VAV3: variants seen among roughly 807,000 people sequenced by gnomAD.
The protein encoded by VAV3 is vav guanine nucleotide exchange factor 3.
VAV3 carries 94 observed loss-of-function variants against 131.2 expected under a neutral mutation model. The ratio of observed to expected loss-of-function variants is 0.72; its 90% CI spans 0.61 to 0.85. The LOEUF (loss-of-function observed/expected upper bound fraction) is 0.85. Ranked by LOEUF, VAV3 falls within the 40% of genes least tolerant of loss-of-function variation. VAV3 has a pLI of 0.00. For missense variants in VAV3, 939 were observed against 1,002.7 expected, an observed-to-expected ratio of 0.94 and a Z score of 0.86; for synonymous variants, 349 against 342.0, an observed-to-expected ratio of 1.02 and a Z score of -0.22.
chr1:107,599,057 GA>G (rs999471994), intron 24 of VAV3, among the ~76,000 whole-genome samples: 2 of 152,054 alleles, frequency 1.3e-5, no homozygotes, highest in African/African-American at 4.8e-5. Context: ...TTATCATACT[GA>G]AAAATGATTT....
chr1:107,757,729 T>C (rs1270830920), intron 10 of VAV3, among the ~76,000 whole-genome samples: 2 of 152,204 alleles, frequency 1.3e-5, no homozygotes, highest in African/African-American at 4.8e-5. Flanking sequence ...CTATTTGTTG[T>C]TGTTATTGCT....
At chr1:107,618,966 C>G (rs1283397015) in intron 20 of VAV3, among the ~76,000 whole-genome samples, 1 of 152,162 alleles carries the variant, frequency 6.6e-6, no homozygotes, top group Non-Finnish European at 1.5e-5. Context: ...CTAGATGGGT[C>G]TCACTTTCGG....
chr1:107,719,088 T>G (rs978663364), intron 15 of VAV3, among the ~76,000 whole-genome samples: 13 of 152,180 alleles, frequency 8.5e-5, no homozygotes, highest in African/African-American at 3.1e-4. Context: ...ATGTTAGACC[T>G]AAAACCATAA....
intron 20 of VAV3, among the ~76,000 whole-genome samples, chr1:107,620,532 A>G (rs1653498267): frequency 6.6e-6 from 1 of 152,164 alleles, no homozygotes; most frequent in Non-Finnish European, 1.5e-5. Context: ...ACTACACTCC[A>G]TAACATTTAC....
intron 19 of VAV3, among the ~76,000 whole-genome samples, chr1:107,654,069 T>C (rs745629295): frequency 3.3e-5 from 5 of 152,120 alleles, no homozygotes; most frequent in Non-Finnish European, 5.9e-5. Flanking sequence ...TTAAGTCCAG[T>C]TGCATATTCT....
At chr1:107,673,383 A>T (rs892301319) in intron 19 of VAV3, among the ~76,000 whole-genome samples, 5 of 151,832 alleles carry the variant, frequency 3.3e-5, no homozygotes, top group Non-Finnish European at 7.4e-5. Flanking sequence ...TCCAACCCTA[A>T]CCATCCTGTG....
At chr1:107,600,233 A>C (rs114842756) in intron 24 of VAV3, among the ~76,000 whole-genome samples, 1 of 152,190 alleles carries the variant, frequency 6.6e-6, no homozygotes, top group Non-Finnish European at 1.5e-5. Context: ...ATGAACAGAA[A>C]CAAAATGGAG....
intron 1 of VAV3, among the ~76,000 whole-genome samples, chr1:107,935,266 C>T (rs926978956): frequency 2.6e-5 from 4 of 152,158 alleles, no homozygotes; most frequent in African/African-American, 9.7e-5. Flanking sequence ...TATTTGATTT[C>T]ATTCAAGTGA....
intron 2 of VAV3, among the ~76,000 whole-genome samples, chr1:107,856,349 A>G (rs189407952): frequency 6.4e-4 from 98 of 152,314 alleles, no homozygotes; most frequent in African/African-American, 2.2e-3. Context: ...GGAGCTATTG[A>G]GTAGAGGATA....
chr1:107,643,714 C>G (rs1277657448), intron 19 of VAV3, among the ~76,000 whole-genome samples: 1 of 152,112 alleles, frequency 6.6e-6, no homozygotes, highest in African/African-American at 2.4e-5. Flanking sequence ...TCATTCAGTT[C>G]TAGATGTCCA....
At chr1:107,724,627 G>A (rs963017281) in intron 15 of VAV3, among the ~76,000 whole-genome samples, 14 of 152,096 alleles carry the variant, frequency 9.2e-5, no homozygotes, top group African/African-American at 3.1e-4. Flanking sequence ...AGTATAGGAT[G>A]GGGGGTGGCA....
In VAV3 at chr1:107,785,329, T is replaced by C. The variant is rs897390783; in HGVS notation, c.322-5837A>G. The C allele has an allele frequency of 2.9e-5, 27 of 923,356 alleles. No individual in the cohort carries two copies. The Admixed American group carries it at 1.4e-3, about 47-fold the overall frequency. The allele number at this position is 923,356 out of a possible 1,614,324, so 57.2% of individuals were successfully genotyped here. ...CTGCCAAAAAGTTGCTAATTAATTATGGATTTATCTTCTTGAGTTCTCTAT... is the reference window on the plus strand; with the variant it reads ...CTGCCAAAAAGTTGCTAATTAATTACGGATTTATCTTCTTGAGTTCTCTAT... On this transcript the variant is annotated intron_variant, in intron 2 of 26. Coordinates refer to ENST00000370056, the MANE Select transcript of VAV3 (RefSeq NM_006113.5).
intron 2 of VAV3, among the ~76,000 whole-genome samples, chr1:107,846,134 G>T (rs1668955689): frequency 6.6e-6 from 1 of 152,108 alleles, no homozygotes; most frequent in African/African-American, 2.4e-5. Context: ...AAGAGAGTGG[G>T]GGCCAATATT....
At chr1:107,866,546 G>A (rs986182526) in intron 2 of VAV3, among the ~76,000 whole-genome samples, 3 of 152,100 alleles carry the variant, frequency 2.0e-5, no homozygotes, top group African/African-American at 7.2e-5. Context: ...GCTTGGCATG[G>A]TGTCTCATGC....
intron 15 of VAV3, among the ~76,000 whole-genome samples, chr1:107,713,877 T>C (rs955788693): frequency 6.6e-6 from 1 of 152,156 alleles, no homozygotes; most frequent in Non-Finnish European, 1.5e-5. Context: ...TCATCTCCTA[T>C]AAAGTCAGAC....
intron 20 of VAV3, among the ~76,000 whole-genome samples, chr1:107,633,245 TGAAAA>T (rs1257731638): frequency 2.0e-5 from 3 of 152,074 alleles, no homozygotes; most frequent in Non-Finnish European, 4.4e-5. Context: ...AAAAAAAAGA[TGAAAA>T]GAAACAGAGC....
chr1:107,592,093 C>T (rs1354098169), intron 25 of VAV3, among the ~76,000 whole-genome samples: 1 of 151,806 alleles, frequency 6.6e-6, no homozygotes, highest in Non-Finnish European at 1.5e-5. Flanking sequence ...ATCTTCCCAA[C>T]CCCTGTTCTA....
chr1:107,608,767 A>G (rs571692462), intron 22 of VAV3, among the ~76,000 whole-genome samples: 1 of 152,332 alleles, frequency 6.6e-6, no homozygotes, highest in East Asian at 1.9e-4. Flanking sequence ...TATAGAACAG[A>G]AAATAATCAG....
intron 19 of VAV3, among the ~76,000 whole-genome samples, chr1:107,656,940 ATCCTTT>A (rs1279175718): frequency 7.6e-6 from 1 of 132,150 alleles, no homozygotes; most frequent in African/African-American, 2.8e-5. Flanking sequence ...AGTCAAGACA[ATCCTTT>A]TTTTTTTTTT....
Sources: gnomAD v4.1 joint callset for allele counts (sites outside exome capture counted in the v4.1 genomes callset) on GRCh38, gnomAD v4.1.1 for gene constraint, MANE v1.5 for transcripts, NCBI Gene and HGNC (gene_info 2026-07-23, HGNC 2026-07-21) for gene names.